Variants in RCOR3 observed in about 807,000 individuals in gnomAD.
RCOR3 encodes the protein REST corepressor 3.
In RCOR3, 13 loss-of-function variants were observed where a neutral mutation model predicts 64.1. That is an observed-to-expected ratio of 0.20 (90% CI 0.13 to 0.32). RCOR3 has a LOEUF of 0.32. Among genes scored for constraint, RCOR3 ranks in the 10% least tolerant of loss-of-function variants. RCOR3 has a pLI of 1.00. For synonymous variants in RCOR3, 215 were observed against 239.0 expected (o/e 0.90, Z 0.93); for missense variants, 489 against 701.2 (o/e 0.70, Z 3.42).
At chr1:211,274,486 T>G (rs1175268680) in intron 4 of RCOR3, among the ~76,000 whole-genome samples, 1 of 152,130 alleles carries the variant, frequency 6.6e-6, no homozygotes, top group Non-Finnish European at 1.5e-5. Context: ...TATATCTGTT[T>G]CTTATTCTAC....
chr1:211,276,142 C>CT (rs1696934002), intron 4 of RCOR3, 115 bp from the exon 5 acceptor site: 4 of 957,782 alleles, frequency 4.2e-6, no homozygotes, highest in Non-Finnish European at 6.2e-6. Flanking sequence ...AACTGTGAGT[C>CT]TATCTTCAGT....
intron 10 of RCOR3, among the ~76,000 whole-genome samples, chr1:211,304,503 T>C (rs766270537): frequency 3.9e-5 from 6 of 152,224 alleles, no homozygotes; most frequent in Admixed American, 1.3e-4. Context: ...CAATAAACTA[T>C]AGATGTTTCT....
chr1:211,306,872 C>A (rs1700898828), intron 10 of RCOR3, among the ~76,000 whole-genome samples: 1 of 152,062 alleles, frequency 6.6e-6, no homozygotes, highest in Non-Finnish European at 1.5e-5. Context: ...CTAGTTCTAC[C>A]TATGTTGTAA....
At chr1:211,279,210 A>T in intron 6 of RCOR3, 28 bp from the exon 7 acceptor site, 2 of 1,451,200 alleles carry the variant, frequency 1.4e-6, no homozygotes, top group Non-Finnish European at 1.9e-6. Context: ...AAAGGGAATT[A>T]AGTGTACTAA....
intron 9 of RCOR3, chr1:211,302,924 A>G (rs1178326045): frequency 6.6e-6 from 1 of 151,890 alleles, no homozygotes; most frequent in Non-Finnish European, 1.5e-5. Flanking sequence ...AATTTTTCCT[A>G]TCTCCTTTTT....
intron 2 of RCOR3, among the ~76,000 whole-genome samples, chr1:211,268,369 C>CTTTT (rs756643084): frequency 2.0e-4 from 16 of 79,356 alleles, no homozygotes; most frequent in African/African-American, 4.0e-4. Context: ...TCTTTTCTTT[C>CTTTT]TTTTTTTTTT....
chr1:211,308,421 G>A (rs553924647), intron 10 of RCOR3, among the ~76,000 whole-genome samples: 7 of 152,130 alleles, frequency 4.6e-5, no homozygotes, highest in South Asian at 4.1e-4. Context: ...AGAAATACAC[G>A]CTCCCAAATG....
At chr1:211,306,603 C>T (rs1219013038) in intron 10 of RCOR3, among the ~76,000 whole-genome samples, 4 of 152,124 alleles carry the variant, frequency 2.6e-5, no homozygotes, top group African/African-American at 9.7e-5. Flanking sequence ...AGATTTACAA[C>T]TTTACTATTA....
intron 7 of RCOR3, among the ~76,000 whole-genome samples, chr1:211,285,175 T>C (rs1242701960): frequency 6.6e-6 from 1 of 152,250 alleles, no homozygotes; most frequent in African/African-American, 2.4e-5. Context: ...TTGTATCTTA[T>C]TTCTTCTCTT....
At chr1:211,293,944 C>G (rs1427681345) in intron 8 of RCOR3, among the ~76,000 whole-genome samples, 1 of 152,140 alleles carries the variant, frequency 6.6e-6, no homozygotes, top group East Asian at 1.9e-4. Flanking sequence ...AAGTTAAAAA[C>G]TTGGTATAGT....
rs1394298621 is a variant in RCOR3 at position 211,314,950 on chromosome 1, A to G, written c.*1182A>G. The G allele has an allele frequency of 6.6e-6, 1 of 152,224 alleles. No individual in the cohort carries two copies. Among genetic ancestry groups the G allele is most frequent in the East Asian group, 1.9e-4 (1 of 5,206 alleles). 9.4% of individuals were successfully genotyped at this position (152,224 alleles called of 1,614,324 possible). ...CTGTGTTATCTAAAGATGTATCAGT[A>G]TATTGTCACAGTTGTGCTGTTAACT... On this transcript the variant is annotated 3_prime_UTR_variant, in exon 12 of 12. Transcript: ENST00000419091.
chr1:211,306,712 C>T (rs1700884588), intron 10 of RCOR3, among the ~76,000 whole-genome samples: 1 of 152,128 alleles, frequency 6.6e-6, no homozygotes, highest in Non-Finnish European at 1.5e-5. Flanking sequence ...TTTTCCTGTT[C>T]CATCTACTCA....
rs1442947457 is a variant in RCOR3, at chr1:211,279,322, G to T, written c.720+6G>T. On this transcript the variant is annotated splice_donor_region_variant and intron_variant, in intron 7 of 11. Transcript: ENST00000419091. ...AAAAAGAAGCCAAAAAAGAGGTAAT[G>T]ATGATCACTAGAAGTACTTGTGATT... 1 of 1,590,730 alleles carries T rather than the reference G, an allele frequency of 6.3e-7. No homozygotes were observed. Among genetic ancestry groups the T allele is most frequent in the Non-Finnish European group, 8.6e-7 (1 of 1,159,440 alleles).
chr1:211,261,296 T>A (rs1040723422), intron 2 of RCOR3: 1 of 152,208 alleles, frequency 6.6e-6, no homozygotes, highest in Non-Finnish European at 1.5e-5. Context: ...AAATGATATT[T>A]ACCAACCATT....
At chr1:211,286,532 C>T (rs567455266) in intron 7 of RCOR3, among the ~76,000 whole-genome samples, 2 of 152,228 alleles carry the variant, frequency 1.3e-5, no homozygotes, top group African/African-American at 4.8e-5. Context: ...TGGTCTCGAT[C>T]TCCTGACCTC....
chr1:211,259,619 G>T lies in RCOR3; in HGVS notation c.59G>T (p.Gly20Val). Residue 20 changes from glycine to valine, a missense_variant, in exon 1 of 12, where the codon GGC (glycine) becomes GTC (valine). Gly to Val is a moderately radical substitution (Grantham distance 109). Transcript: ENST00000419091. ...ELLGKNRSAN[G>V]SAKSPAGGGG... ...CTGGGGAAGAACCGATCGGCCAACG[G>T]CAGCGCCAAGAGCCCGGCAGGCGGC... The T allele has an allele frequency of 6.5e-7, 1 of 1,548,316 alleles. No homozygotes were observed. The highest frequency in any genetic ancestry group is 8.7e-7 in the Non-Finnish European group (1 of 1,145,982).
rs762850360 is a variant in RCOR3 at position 211,271,151 on chromosome 1, C to A, written c.224-81C>A. ...GGATTACAGGCATGAGCCACCGTGC[C>A]TGGGCAGCTTACTTTGTTTCTACTT... is the stretch of plus-strand genomic sequence containing the variant. On this transcript the variant is annotated intron_variant, in intron 2 of 11. Coordinates refer to ENST00000419091, the MANE Select transcript of RCOR3 (RefSeq NM_001136223.3). 5 of 1,298,916 alleles carry A rather than the reference C, an allele frequency of 3.8e-6. No homozygotes were observed. The Admixed American group carries it at 5.3e-5, about 14-fold the overall frequency. The allele number at this position is 1,298,916 out of a possible 1,614,324, so 80.5% of individuals were successfully genotyped here.
chr1:211,304,444 G>C (rs1228189454), intron 10 of RCOR3, among the ~76,000 whole-genome samples: 1 of 152,128 alleles, frequency 6.6e-6, no homozygotes, highest in African/African-American at 2.4e-5. Context: ...CTGCAGTTGG[G>C]TTCGTTCTTA....
chr1:211,271,699 A>G (rs899837487), intron 3 of RCOR3: 7 of 341,826 alleles, frequency 2.0e-5, no homozygotes, highest in Non-Finnish European at 4.1e-5. Flanking sequence ...TTTAAAGAGG[A>G]AAGGGGAAAG....
Sources: gnomAD v4.1 joint callset for allele counts (sites outside exome capture counted in the v4.1 genomes callset) on GRCh38, gnomAD v4.1.1 for gene constraint, MANE v1.5 for transcripts, NCBI Gene and HGNC (gene_info 2026-07-23, HGNC 2026-07-21) for gene names.